NWD1: variants seen among roughly 807,000 people sequenced by gnomAD.
NWD1 encodes the protein NACHT domain- and WD repeat-containing protein 1.
A neutral mutation model predicts 135.1 loss-of-function variants in NWD1; 129 were observed. That is an observed-to-expected ratio of 0.96 (90% confidence interval 0.83 to 1.11). The LOEUF (loss-of-function observed/expected upper bound fraction) is 1.11. Ranked by LOEUF, NWD1 falls within the 50% of genes least tolerant of loss-of-function variation. The probability of loss-of-function intolerance (pLI) is 0.00; values close to 1 mark genes in which losing one functional copy is unlikely to be tolerated. For missense variants in NWD1, 1,740 were observed against 1,851.3 expected, an observed-to-expected ratio of 0.94 and a Z score of 1.10; for synonymous variants, 773 against 786.0, an observed-to-expected ratio of 0.98 and a Z score of 0.28.
intron 9 of NWD1, among the ~76,000 whole-genome samples, chr19:16,764,762 C>G (rs577542652): frequency 1.3e-5 from 2 of 152,142 alleles, no homozygotes; most frequent in African/African-American, 2.4e-5. Flanking sequence ...TTCTGCCCCC[C>G]CAGGGGACAC....
At chr19:16,775,532 G>T (rs1969569585) in intron 11 of NWD1, among the ~76,000 whole-genome samples, 1 of 152,172 alleles carries the variant, frequency 6.6e-6, no homozygotes, top group Admixed American at 6.5e-5. Flanking sequence ...GGGAATAGGA[G>T]AAGCAGATGG....
intron 10 of NWD1, among the ~76,000 whole-genome samples, chr19:16,766,607 A>AG (rs1969234174): frequency 6.6e-6 from 1 of 150,568 alleles, no homozygotes; most frequent in African/African-American, 2.4e-5. Context: ...TTTTTTTGAG[A>AG]CAGGATCTCG....
At chr19:16,781,927 C>T (rs1422546963) in intron 12 of NWD1, among the ~76,000 whole-genome samples, 1 of 151,294 alleles carries the variant, frequency 6.6e-6, no homozygotes, top group Non-Finnish European at 1.5e-5. Context: ...CCTGTCTCTA[C>T]TAAAAATACA....
At chr19:16,788,272 A>G (rs190701009) in intron 12 of NWD1, among the ~76,000 whole-genome samples, 2,074 of 140,794 alleles carry the variant, frequency 0.015, 21 homozygotes, top group Non-Finnish European at 0.022. Flanking sequence ...TAATAATAAT[A>G]ATAATAATAA....
intron 17 of NWD1, 97 bp downstream of exon 17, chr19:16,800,259 C>A: frequency 1.6e-6 from 2 of 1,247,106 alleles, no homozygotes; most frequent in South Asian, 1.4e-5. Flanking sequence ...ACAGGCTGGG[C>A]CCCATGGCTC....
At chr19:16,794,884 C>T (rs1043739954) in intron 15 of NWD1, among the ~76,000 whole-genome samples, 38 of 152,030 alleles carry the variant, frequency 2.5e-4, no homozygotes, top group African/African-American at 9.2e-4. Context: ...TGGGCTCAAA[C>T]GATCCTCCCA....
chr19:16,762,048 G>A lies in NWD1; in HGVS notation c.2043G>A (p.Leu681=), dbSNP rs145955690. The A allele has an allele frequency of 6.2e-7, 1 of 1,614,048 alleles. No homozygotes were observed. The highest frequency in any genetic ancestry group is 8.5e-7 in the Non-Finnish European group (1 of 1,179,962). Residue 681 remains leucine (L), a synonymous_variant, in exon 8 of 19, where the codon CTG becomes CTA. Coordinates refer to ENST00000524140, the MANE Select transcript of NWD1 (RefSeq NM_001007525.5). ...AGAGAGCCAAGAGGCATGGCGTCCTGGCCGACTTCTTCTCAGGGACCTGGA... is the reference window on the plus strand; with the variant it reads ...AGAGAGCCAAGAGGCATGGCGTCCTAGCCGACTTCTTCTCAGGGACCTGGA... ...GSERAKRHGV[L]ADFFSGTWSQ... is the part of the protein sequence containing the mutation.
Position 16,761,965 on chromosome 19 carries a change from T to G in NWD1, c.1974-14T>G. The stretch of plus-strand genomic sequence containing the variant: ...GGTCACCCAGGTCTATCAGTCTGTA[T>G]ACCCTCTCTGTAGACAGCTGGTCGA... On this transcript the variant is annotated splice_polypyrimidine_tract_variant and intron_variant, in intron 7 of 18. Transcript: ENST00000524140. The G allele has an allele frequency of 6.2e-7, 1 of 1,612,308 alleles. No homozygotes were observed. Among genetic ancestry groups the G allele is most frequent in the South Asian group, 1.1e-5 (1 of 91,032 alleles).
chr19:16,779,625 GT>G, intron 12 of NWD1, among the ~76,000 whole-genome samples, 160 bp downstream of exon 12: 1 of 152,230 alleles, frequency 6.6e-6, no homozygotes, highest in East Asian at 1.9e-4. Context: ...AAACACAGTA[GT>G]TTCAAACAAG....
intron 4 of NWD1, among the ~76,000 whole-genome samples, chr19:16,740,680 C>A (rs80040095): frequency 2.5e-4 from 37 of 146,928 alleles, no homozygotes; most frequent in African/African-American, 9.0e-4. Context: ...GGAGTTGCTC[C>A]GTTACCCAGG....
rs1306273715 is a variant in NWD1 at position 16,815,275 on chromosome 19, C to T, written c.*236C>T. On this transcript the variant is annotated 3_prime_UTR_variant, in exon 19 of 19. Coordinates refer to ENST00000524140, the MANE Select transcript of NWD1 (RefSeq NM_001007525.5). The stretch of plus-strand genomic sequence containing the variant: ...CCCAGGACTTGGAGTCAGAAAGTGC[C>T]CAGGGAAATGAAACCAAATCAAACA... 4 of 780,958 alleles carry T rather than the reference C, an allele frequency of 5.1e-6. No homozygotes were observed. Among genetic ancestry groups the T allele is most frequent in the Non-Finnish European group, 9.6e-6 (4 of 418,260 alleles). 48.4% of individuals were successfully genotyped at this position (780,958 alleles called of 1,614,324 possible).
chr19:16,787,737 G>A (rs1023005199), intron 12 of NWD1, among the ~76,000 whole-genome samples: 3 of 151,738 alleles, frequency 2.0e-5, no homozygotes, highest in Non-Finnish European at 4.4e-5. Context: ...GCACATGCCT[G>A]TAATCCCAGC....
At chr19:16,764,918 T>C (rs956090607) in intron 9 of NWD1, 116 bp from the exon 10 acceptor site, 6 of 1,104,128 alleles carry the variant, frequency 5.4e-6, no homozygotes, top group Non-Finnish European at 7.8e-6. Context: ...TGCCCCAGTG[T>C]CACTACTGCT....
At chr19:16,804,334 A>G (rs779071199) in intron 17 of NWD1, among the ~76,000 whole-genome samples, 1 of 152,048 alleles carries the variant, frequency 6.6e-6, no homozygotes, top group Non-Finnish European at 1.5e-5. Flanking sequence ...TAATCCCAGC[A>G]CTTTAGGAGG....
At chr19:16,725,172 G>A (rs925157712) in intron 2 of NWD1, among the ~76,000 whole-genome samples, 3 of 150,722 alleles carry the variant, frequency 2.0e-5, no homozygotes, top group Non-Finnish European at 3.0e-5. Flanking sequence ...CACCACCATG[G>A]CCAGCTAATT....
At chr19:16,808,602 T>A (rs1970828978) in intron 18 of NWD1, among the ~76,000 whole-genome samples, 1 of 151,786 alleles carries the variant, frequency 6.6e-6, no homozygotes, top group African/African-American at 2.4e-5. Context: ...AAGCAAAGTT[T>A]TTTTTGTTTT....
At chr19:16,746,686 A>C (rs1223664673) in intron 5 of NWD1, among the ~76,000 whole-genome samples, 1 of 116,904 alleles carries the variant, frequency 8.6e-6, no homozygotes, top group Non-Finnish European at 1.7e-5. Flanking sequence ...CAAAAAACAA[A>C]AAACAACAAA....
rs1303795683 is a variant in NWD1, at chr19:16,779,327, C to G, written c.2609-16C>G. 1 of 1,613,684 alleles carries G rather than the reference C, an allele frequency of 6.2e-7. No individual in the cohort carries two copies. The highest frequency in any genetic ancestry group is 1.7e-5 in the Admixed American group (1 of 59,988). Reference sequence around the variant, plus strand: ...CAGGAACTGAGATCATTGCTGTTGCCTCTGTGTGGCTGCAGGCATCACCGC... The same window carrying G: ...CAGGAACTGAGATCATTGCTGTTGCGTCTGTGTGGCTGCAGGCATCACCGC... On this transcript the variant is annotated splice_polypyrimidine_tract_variant and intron_variant, in intron 11 of 18. Transcript: ENST00000524140.
intron 11 of NWD1, among the ~76,000 whole-genome samples, chr19:16,773,593 A>T (rs1969492166): frequency 6.6e-6 from 1 of 152,124 alleles, no homozygotes; most frequent in Admixed American, 6.6e-5. Flanking sequence ...ATTGGTGCCC[A>T]TCTGACAGTT....
Sources: allele counts gnomAD v4.1 joint callset (sites outside exome capture counted in the v4.1 genomes callset), GRCh38; gene constraint gnomAD v4.1.1; transcripts MANE v1.5; gene names NCBI Gene and HGNC (gene_info 2026-07-23, HGNC 2026-07-21).